The following DPF3 variants were observed in gnomAD, a reference collection of about 807,000 sequenced individuals.
DPF3 encodes the protein double PHD fingers 3.
Under a neutral mutation model 56.8 loss-of-function variants are expected in DPF3, and 18 were observed. The observed-to-expected ratio is 0.32, with a 90% confidence interval of 0.22 to 0.47. The LOEUF (loss-of-function observed/expected upper bound fraction) is 0.47, where lower values mean the gene tolerates loss of function less well. DPF3 is among the 20% of genes least tolerant of loss of function. DPF3 has a pLI of 1.00. For synonymous variants in DPF3, 188 were observed against 180.2 expected, an observed-to-expected ratio of 1.04 and a Z score of -0.35; for missense variants, 403 against 488.8, an observed-to-expected ratio of 0.82 and a Z score of 1.65.
At chr14:72,638,795 T>C (rs946715296) in intron 8 of DPF3, among the ~76,000 whole-genome samples, 10 of 151,838 alleles carry the variant, frequency 6.6e-5, no homozygotes, top group Non-Finnish European at 1.2e-4. Flanking sequence ...AGTGTACTCA[T>C]GACACTTAGA....
chr14:72,660,627 T>C (rs1286777889), intron 8 of DPF3, among the ~76,000 whole-genome samples: 1 of 152,218 alleles, frequency 6.6e-6, no homozygotes, highest in African/African-American at 2.4e-5. Flanking sequence ...TAAGCACACA[T>C]TAAATCTTGC....
intron 1 of DPF3, among the ~76,000 whole-genome samples, chr14:72,887,424 G>T (rs1164758386): frequency 2.0e-5 from 3 of 152,094 alleles, no homozygotes; most frequent in Non-Finnish European, 4.4e-5. Context: ...CCTTGAGAAG[G>T]GATAGGAAGT....
intron 2 of DPF3, among the ~76,000 whole-genome samples, chr14:72,767,779 AC>A (rs71109747): frequency 0.037 from 5,213 of 140,258 alleles, 363 homozygotes; most frequent in African/African-American, 0.13. Flanking sequence ...AAAAAAAAAA[AC>A]CCCATAAACC....
chr14:72,641,521 T>G (rs1885565288), intron 8 of DPF3, among the ~76,000 whole-genome samples: 1 of 152,206 alleles, frequency 6.6e-6, no homozygotes, highest in African/African-American at 2.4e-5. Context: ...GACTGAGCCT[T>G]GCCCACAAGG....
At chr14:72,816,987 C>T (rs1883317315) in intron 1 of DPF3, among the ~76,000 whole-genome samples, 1 of 152,246 alleles carries the variant, frequency 6.6e-6, no homozygotes, top group Non-Finnish European at 1.5e-5. Flanking sequence ...ATCTGCCCCC[C>T]TCTGAAGCTA....
intron 3 of DPF3, among the ~76,000 whole-genome samples, chr14:72,738,582 G>T (rs1889998284): frequency 6.6e-6 from 1 of 152,182 alleles, no homozygotes; most frequent in Non-Finnish European, 1.5e-5. Context: ...GTGAGACGGG[G>T]AGGGTGGTGG....
intron 1 of DPF3, among the ~76,000 whole-genome samples, chr14:72,881,741 A>G (rs1233540435): frequency 6.6e-6 from 1 of 152,140 alleles, no homozygotes; most frequent in Non-Finnish European, 1.5e-5. Flanking sequence ...GCCAGCCCTG[A>G]TAAATCAACA....
chr14:72,816,227 A>C (rs1883278323), intron 1 of DPF3, among the ~76,000 whole-genome samples: 1 of 152,182 alleles, frequency 6.6e-6, no homozygotes, highest in Non-Finnish European at 1.5e-5. Flanking sequence ...AGCCAGGCAG[A>C]ACCCTGGGCC....
intron 4 of DPF3, among the ~76,000 whole-genome samples, chr14:72,726,846 T>TA (rs372049397): frequency 0.039 from 5,736 of 148,070 alleles, 238 homozygotes; most frequent in African/African-American, 0.11. Flanking sequence ...TGGTTGTGTT[T>TA]AAAAAAAAAA....
intron 1 of DPF3, among the ~76,000 whole-genome samples, chr14:72,837,998 G>A (rs1210638727): frequency 1.3e-5 from 2 of 152,162 alleles, no homozygotes; most frequent in East Asian, 1.9e-4. Flanking sequence ...GGAATCTGTG[G>A]CAGCTTCCAC....
intron 1 of DPF3, among the ~76,000 whole-genome samples, chr14:72,884,457 A>G (rs1886437425): frequency 6.6e-6 from 1 of 152,196 alleles, no homozygotes; most frequent in Non-Finnish European, 1.5e-5. Flanking sequence ...TAGTTCTCAT[A>G]GTAACACCTC....
At chr14:72,834,257 G>A (rs1884189482) in intron 1 of DPF3, among the ~76,000 whole-genome samples, 1 of 152,040 alleles carries the variant, frequency 6.6e-6, no homozygotes, top group South Asian at 2.1e-4. Flanking sequence ...AACACTTTGG[G>A]AGGCCAAGGC....
At chr14:72,729,119 G>A (rs982434834) in intron 4 of DPF3, among the ~76,000 whole-genome samples, 4 of 151,862 alleles carry the variant, frequency 2.6e-5, no homozygotes, top group Non-Finnish European at 4.4e-5. Context: ...GTGGTGGTGC[G>A]CAACTATAAT....
intron 8 of DPF3, among the ~76,000 whole-genome samples, chr14:72,660,335 G>A (rs1264018547): frequency 6.6e-6 from 1 of 152,132 alleles, no homozygotes; most frequent in East Asian, 1.9e-4. Context: ...GTGATATTCA[G>A]TCTAAAGAAA....
chr14:72,613,464 TCTC>T lies in DPF3; in HGVS notation c.*5830_*5832del, dbSNP rs1295967430. 5.9e-5 allele frequency among the ~76,000 whole-genome samples: 9 copies of T among 152,132 alleles called. No individual in the cohort carries two copies. Among genetic ancestry groups the T allele is most frequent in the Non-Finnish European group, 1.2e-4 (8 of 68,030 alleles). On this transcript the variant is annotated 3_prime_UTR_variant, in exon 11 of 11. Transcript: ENST00000556509. The stretch of plus-strand genomic sequence containing the variant: ...TGTCGCCATCAGCAAAATACTCCCT[TCTC>T]CTGGTGGAGCCAAAGAAGGGGAACT...
chr14:72,890,468 G>T (rs191215806), intron 1 of DPF3, among the ~76,000 whole-genome samples: 8 of 143,584 alleles, frequency 5.6e-5, no homozygotes, highest in African/African-American at 2.0e-4. Flanking sequence ...TCCAGCCTGG[G>T]CAACAGAGCA....
intron 1 of DPF3, chr14:72,892,687 G>T (rs1886801294): frequency 3.9e-6 from 4 of 1,021,892 alleles, no homozygotes; most frequent in Non-Finnish European, 4.7e-6. Context: ...CAGCGGCCAC[G>T]CACCAGGGAG....
chr14:72,631,096 C>T (rs1028611668), intron 8 of DPF3, among the ~76,000 whole-genome samples: 1 of 152,192 alleles, frequency 6.6e-6, no homozygotes, highest in African/African-American at 2.4e-5. Flanking sequence ...ACATTTTGAG[C>T]TCCACAAATA....
At chr14:72,795,293 A>AT (rs1317667797) in intron 1 of DPF3, among the ~76,000 whole-genome samples, 1,840 of 107,692 alleles carry the variant, frequency 0.017, 12 homozygotes, top group African/African-American at 0.029. Flanking sequence ...AAAAAAAAAA[A>AT]AAATATATAT....
Sources: allele counts gnomAD v4.1 joint callset (sites outside exome capture counted in the v4.1 genomes callset), GRCh38; gene constraint gnomAD v4.1.1; transcripts MANE v1.5; gene names NCBI Gene and HGNC (gene_info 2026-07-23, HGNC 2026-07-21).